The following CACNB2 variants were observed in gnomAD, a reference collection of about 807,000 sequenced individuals.
CACNB2 encodes voltage-dependent L-type calcium channel subunit beta-2.
A neutral mutation model predicts 73.3 loss-of-function variants in CACNB2; 42 were observed. The ratio of observed to expected loss-of-function variants is 0.57; its 90% CI spans 0.45 to 0.74. The LOEUF is 0.74. Among genes scored for constraint, CACNB2 ranks in the 30% least tolerant of loss-of-function variants. CACNB2 has a pLI of 0.00. For synonymous variants in CACNB2, 348 were observed against 310.3 expected, an observed-to-expected ratio of 1.12 and a Z score of -1.28; for missense variants, 940 against 853.0, an observed-to-expected ratio of 1.10 and a Z score of -1.27.
In CACNB2 at chr10:18,518,940, G is replaced by T; in HGVS notation, c.916G>T (p.Asp306Tyr). 1 of 1,613,844 alleles carries T rather than the reference G, an allele frequency of 6.2e-7. No homozygotes were observed. Among genetic ancestry groups the T allele is most frequent in the South Asian group, 1.1e-5 (1 of 91,046 alleles). The change falls in exon 9 of 14, where the codon GAT (aspartate) becomes TAT (tyrosine). Residue 306 changes from aspartate (D) to tyrosine (Y), a missense_variant. By Grantham distance (160) the Asp-to-Tyr change is radical. Coordinates refer to ENST00000324631, the MANE Select transcript of CACNB2 (RefSeq NM_201596.3). The part of the protein sequence containing the change: ...VTDMMQKALF[D>Y]FLKHRFEGRI... Reference sequence around the variant, plus strand: ...AGATATGATGCAAAAAGCGCTGTTTGATTTTTTAAAACACAGATTTGAAGG... The same window carrying T: ...AGATATGATGCAAAAAGCGCTGTTTTATTTTTTAAAACACAGATTTGAAGG...
chr10:18,156,754 C>A (rs1223042008), intron 2 of CACNB2, among the ~76,000 whole-genome samples: 1 of 151,820 alleles, frequency 6.6e-6, no homozygotes, highest in Non-Finnish European at 1.5e-5. Flanking sequence ...GTGGGCTGGG[C>A]GTGGTGGCTC....
chr10:18,357,239 G>A (rs532961884), intron 2 of CACNB2, among the ~76,000 whole-genome samples: 9 of 152,062 alleles, frequency 5.9e-5, no homozygotes, highest in South Asian at 2.1e-4. Context: ...CACCGCGCCC[G>A]GCTGACTCAA....
chr10:18,348,588 A>G (rs891557810), intron 2 of CACNB2, among the ~76,000 whole-genome samples: 1 of 152,110 alleles, frequency 6.6e-6, no homozygotes, highest in African/African-American at 2.4e-5. Flanking sequence ...ATCTCGGCTC[A>G]CTGCAACCTC....
intron 3 of CACNB2, among the ~76,000 whole-genome samples, chr10:18,416,151 AC>A (rs893854651): frequency 6.0e-5 from 9 of 150,830 alleles, no homozygotes; most frequent in African/African-American, 1.9e-4. Context: ...TCCTCCCTGC[AC>A]CCCCCACTCA....
intron 2 of CACNB2, among the ~76,000 whole-genome samples, chr10:18,168,532 T>C (rs1303924167): frequency 1.3e-5 from 2 of 151,482 alleles, no homozygotes; most frequent in African/African-American, 4.8e-5. Flanking sequence ...TGTGTGTGTT[T>C]TGTTGCTGTT....
intron 2 of CACNB2, chr10:18,340,909 A>G (rs1324002104): frequency 1.4e-5 from 22 of 1,614,020 alleles, no homozygotes; most frequent in Non-Finnish European, 1.9e-5. Flanking sequence ...TGCTGGGCGC[A>G]CTTGGAATTG....
intron 3 of CACNB2, among the ~76,000 whole-genome samples, chr10:18,402,353 T>C (rs2044045992): frequency 6.6e-6 from 1 of 150,662 alleles, no homozygotes; most frequent in South Asian, 2.1e-4. Context: ...TATCAACATG[T>C]TTTACTTCAT....
intron 2 of CACNB2, among the ~76,000 whole-genome samples, chr10:18,328,803 G>GT (rs1818089553): frequency 6.6e-6 from 1 of 152,156 alleles, no homozygotes. Context: ...TGAACCAAAC[G>GT]TAACCCTAGG....
intron 13 of CACNB2, among the ~76,000 whole-genome samples, chr10:18,538,615 AGATTCAAATCCTG>A (rs1368846994): frequency 2.6e-5 from 4 of 152,152 alleles, no homozygotes; most frequent in Non-Finnish European, 5.9e-5. Context: ...TGGATCACCT[AGATTCAAATCCTG>A]GCTGCACCTC....
chr10:18,494,770 A>G (rs1056252167), intron 3 of CACNB2, among the ~76,000 whole-genome samples: 4 of 151,976 alleles, frequency 2.6e-5, no homozygotes, highest in Non-Finnish European at 4.4e-5. Context: ...CTACTAATGG[A>G]AATTGTATTT....
At chr10:18,349,521 C>T (rs143151170) in intron 2 of CACNB2, among the ~76,000 whole-genome samples, 1 of 152,130 alleles carries the variant, frequency 6.6e-6, no homozygotes. Context: ...GCAGCATAAA[C>T]CTGGCTCAAA....
intron 3 of CACNB2, among the ~76,000 whole-genome samples, chr10:18,488,268 G>A (rs1486768751): frequency 6.6e-6 from 1 of 151,504 alleles, no homozygotes; most frequent in East Asian, 2.0e-4. Flanking sequence ...GAGGTCAGGA[G>A]ATCGAGACCA....
chr10:18,527,464 C>CTTGAA (rs1442144265), intron 9 of CACNB2, 124 bp from the exon 10 acceptor site: 2 of 715,630 alleles, frequency 2.8e-6, no homozygotes, highest in African/African-American at 3.5e-5. Context: ...TATCCTAACA[C>CTTGAA]ATATGGTTTG....
In CACNB2 at chr10:18,540,260, A is replaced by G. The variant is rs932708858; in HGVS notation, c.*536A>G. ...TAAAGTTAGAATCTATTTTCTATGT[A>G]CTAGTACTGTGTACTGTATAGACAG... On this transcript the variant is annotated 3_prime_UTR_variant, in exon 14 of 14. Coordinates refer to ENST00000324631, the MANE Select transcript of CACNB2 (RefSeq NM_201596.3). 1 of 168,892 alleles carries G rather than the reference A, an allele frequency of 5.9e-6. No individual in the cohort carries two copies. Among genetic ancestry groups the G allele is most frequent in the Non-Finnish European group, 1.3e-5 (1 of 77,356 alleles). The allele number at this position is 168,892 out of a possible 1,614,324, so 10.5% of individuals were successfully genotyped here.
At chr10:18,311,941 A>C in intron 2 of CACNB2, among the ~76,000 whole-genome samples, 1 of 152,172 alleles carries the variant, frequency 6.6e-6, no homozygotes, top group East Asian at 1.9e-4. Context: ...TCCTGGGCAG[A>C]GCTGACTTTT....
chr10:18,152,314 G>T (rs963441085), intron 2 of CACNB2, among the ~76,000 whole-genome samples: 4 of 152,204 alleles, frequency 2.6e-5, no homozygotes, highest in Non-Finnish European at 5.9e-5. Flanking sequence ...ATTGGGAATT[G>T]TTGTGGTTGC....
chr10:18,539,861 C>T lies in CACNB2; in HGVS notation c.*137C>T. 1 of 918,080 alleles carries T rather than the reference C, an allele frequency of 1.1e-6. No homozygotes were observed. Among genetic ancestry groups the T allele is most frequent in the Non-Finnish European group, 1.6e-6 (1 of 614,630 alleles). The allele number at this position is 918,080 out of a possible 1,614,324, so 56.9% of individuals were successfully genotyped here. On this transcript the variant is annotated 3_prime_UTR_variant, in exon 14 of 14. Coordinates refer to ENST00000324631, the MANE Select transcript of CACNB2 (RefSeq NM_201596.3). Reference sequence around the variant, plus strand: ...GTAATATTTTGTATTATTGCTGTTGCTTGAATAGCAATAGCATGGATAGAG... The same window carrying T: ...GTAATATTTTGTATTATTGCTGTTGTTTGAATAGCAATAGCATGGATAGAG...
In CACNB2 at chr10:18,309,287, G is replaced by A. The variant is rs549960599; in HGVS notation, c.214-92637G>A. 2.6e-5 allele frequency among the ~76,000 whole-genome samples: 4 copies of A among 152,126 alleles called. No individual in the cohort carries two copies. The South Asian group carries it at 8.3e-4, about 32-fold the overall frequency. ...GAGGGAGACCAATAGAGTCAAAAAT[G>A]TCTCCAACAGTTACATAAGCACCAG... On this transcript the variant is annotated intron_variant, in intron 2 of 13. Coordinates refer to ENST00000324631, the MANE Select transcript of CACNB2 (RefSeq NM_201596.3).
At chr10:18,268,295 A>T (rs1008548336) in intron 2 of CACNB2, among the ~76,000 whole-genome samples, 1 of 152,254 alleles carries the variant, frequency 6.6e-6, no homozygotes, top group Non-Finnish European at 1.5e-5. Flanking sequence ...TGAACCTTTC[A>T]TCTCTGTTCT....
Sources: allele counts gnomAD v4.1 joint callset (sites outside exome capture counted in the v4.1 genomes callset), GRCh38; gene constraint gnomAD v4.1.1; transcripts MANE v1.5; gene names NCBI Gene and HGNC (gene_info 2026-07-23, HGNC 2026-07-21).